The following MMP2 variants were observed in gnomAD, a reference collection of about 807,000 sequenced individuals.
The protein encoded by MMP2 is 72 kDa type IV collagenase.
A neutral mutation model predicts 74.8 loss-of-function variants in MMP2; 39 were observed. The ratio of observed to expected loss-of-function variants is 0.52; its 90% CI spans 0.40 to 0.68. The LOEUF is 0.68. Ranked by LOEUF, MMP2 falls within the 30% of genes least tolerant of loss-of-function variation. MMP2 has a pLI of 0.00. For synonymous variants in MMP2, 367 were observed against 339.8 expected, an observed-to-expected ratio of 1.08 and a Z score of -0.88; for missense variants, 803 against 878.3, an observed-to-expected ratio of 0.91 and a Z score of 1.08.
At chr16:55,488,914 C>T (rs1044219404) in intron 6 of MMP2, 198 bp downstream of exon 6, 3 of 638,164 alleles carry the variant, frequency 4.7e-6, no homozygotes, top group Non-Finnish European at 8.3e-6. Flanking sequence ...GCACTGAAAT[C>T]AGAACAGACA....
chr16:55,494,557 G>T (rs1434102779), intron 9 of MMP2, among the ~76,000 whole-genome samples: 4 of 152,128 alleles, frequency 2.6e-5, no homozygotes, highest in African/African-American at 4.8e-5. Context: ...CAGGCGCATG[G>T]GCCTCCTATA....
chr16:55,484,012 C>G lies in MMP2; in HGVS notation c.381-4C>G, dbSNP rs1187489441. On this transcript the variant is annotated splice_region_variant and splice_polypyrimidine_tract_variant and intron_variant, in intron 2 of 12. Coordinates refer to ENST00000219070, the MANE Select transcript of MMP2 (RefSeq NM_004530.6). ...ACACTCACATGCAGTTCTACCACCT[C>G]CAGGATCATTGGCTACACACCTGAT... 6.2e-7 allele frequency: 1 copy of G among 1,614,162 alleles called. No homozygotes were observed. Among genetic ancestry groups the G allele is most frequent in the South Asian group, 1.1e-5 (1 of 91,086 alleles).
intron 9 of MMP2, among the ~76,000 whole-genome samples, chr16:55,494,773 G>A (rs1962494337): frequency 6.6e-6 from 1 of 152,268 alleles, no homozygotes; most frequent in African/African-American, 2.4e-5. Flanking sequence ...TGAAAGAAAA[G>A]TGATCGCAGA....
Position 55,495,576 on chromosome 16 carries a change from T to G in MMP2, c.1473-1350T>G, listed in dbSNP as rs577244023. 2.0e-5 allele frequency among the ~76,000 whole-genome samples: 3 copies of G among 152,326 alleles called. No homozygotes were observed. In the East Asian group the frequency reaches 5.8e-4, roughly 29 times the overall value. On this transcript the variant is annotated intron_variant, in intron 9 of 12. Transcript: ENST00000219070. Reference sequence around the variant, plus strand: ...CTAATTTATTTAGTCATTGATGTAGTGATAACTAAGTAATTTGAATCCTAA... The same window carrying G: ...CTAATTTATTTAGTCATTGATGTAGGGATAACTAAGTAATTTGAATCCTAA...
At chr16:55,493,113 A>G (rs529176966) in intron 8 of MMP2, 45 bp from the exon 9 acceptor site, 3 of 1,611,318 alleles carry the variant, frequency 1.9e-6, no homozygotes, top group Non-Finnish European at 2.5e-6. Flanking sequence ...TAGTGGGGAG[A>G]ACCTCTGGAG....
At position 55,505,672 on chromosome 16, in the gene MMP2, A is replaced by G. The variant is rs1241049018; in HGVS notation, c.*230A>G. 1 of 584,528 alleles carries G rather than the reference A, an allele frequency of 1.7e-6. No individual in the cohort carries two copies. Among genetic ancestry groups the G allele is most frequent in the Admixed American group, 2.9e-5 (1 of 34,056 alleles). 36.2% of individuals were successfully genotyped at this position (584,528 alleles called of 1,614,324 possible). ...AGGCGCCCCTTCCCCCTCCAATCCCACCAACCCTCAGAGCCACCCCTAAAG... is the reference window on the plus strand; with the variant it reads ...AGGCGCCCCTTCCCCCTCCAATCCCGCCAACCCTCAGAGCCACCCCTAAAG... On this transcript the variant is annotated 3_prime_UTR_variant, in exon 13 of 13. Coordinates refer to ENST00000219070, the MANE Select transcript of MMP2 (RefSeq NM_004530.6).
At chr16:55,497,825 A>G (rs1962567629) in intron 10 of MMP2, among the ~76,000 whole-genome samples, 1 of 152,188 alleles carries the variant, frequency 6.6e-6, no homozygotes, top group African/African-American at 2.4e-5. Context: ...TATGAGGGGT[A>G]AAGAAGGATT....
At chr16:55,487,970 C>G (rs771875560) in intron 5 of MMP2, 1 of 162,020 alleles carries the variant, frequency 6.2e-6, no homozygotes, top group Non-Finnish European at 1.3e-5. Flanking sequence ...TCTGTGTATG[C>G]GTGTGCACGC....
At chr16:55,501,139 G>A (rs1440656548) in intron 11 of MMP2, among the ~76,000 whole-genome samples, 1 of 152,236 alleles carries the variant, frequency 6.6e-6, no homozygotes, top group Non-Finnish European at 1.5e-5. Flanking sequence ...ATATTTCTCA[G>A]TTGAGGTAGA....
intron 1 of MMP2, chr16:55,479,895 G>T: frequency 2.0e-6 from 1 of 508,668 alleles, no homozygotes; most frequent in Non-Finnish European, 3.5e-6. Context: ...GCCAGAGAGT[G>T]GGAGAGGGGT....
At chr16:55,501,676 G>A (rs1428701352) in intron 11 of MMP2, among the ~76,000 whole-genome samples, 1 of 150,530 alleles carries the variant, frequency 6.6e-6, no homozygotes, top group Non-Finnish European at 1.5e-5. Flanking sequence ...CCCTTTGAGG[G>A]AGAAGTCTCC....
intron 11 of MMP2, 65 bp downstream of exon 11, chr16:55,498,513 A>G: frequency 6.2e-7 from 1 of 1,605,552 alleles, no homozygotes; most frequent in Non-Finnish European, 8.5e-7. Flanking sequence ...AGCCGCCCTG[A>G]GGCTTCAAGC....
intron 1 of MMP2, among the ~76,000 whole-genome samples, chr16:55,480,798 C>T (rs914558085): frequency 2.6e-5 from 4 of 152,180 alleles, no homozygotes; most frequent in Non-Finnish European, 4.4e-5. Context: ...CCAACTCTCA[C>T]CCTTCCAAAC....
rs1263437371 is a variant in MMP2, at chr16:55,491,975, G to C, written c.1336+19G>C. On this transcript the variant is annotated intron_variant, in intron 8 of 12. Coordinates refer to ENST00000219070, the MANE Select transcript of MMP2 (RefSeq NM_004530.6). The stretch of plus-strand genomic sequence containing the variant: ...CTCTATGGTAAACCTCCGGGCGGGG[G>C]TTGGGGGTGGAGGGTGAGGAGGGGG... 1 of 1,464,316 alleles carries C rather than the reference G, an allele frequency of 6.8e-7. No individual in the cohort carries two copies. Among genetic ancestry groups the C allele is most frequent in the South Asian group, 1.1e-5 (1 of 88,560 alleles). The allele number at this position is 1,464,316 out of a possible 1,614,324, so 90.7% of individuals were successfully genotyped here. A position where few individuals can be genotyped will look rare whatever the true frequency, so the allele number is the denominator to read the frequency against.
At position 55,485,784 on chromosome 16, in the gene MMP2, A is replaced by G. The variant is rs1475549457; in HGVS notation, c.832+7A>G. On this transcript the variant is annotated splice_region_variant and intron_variant, in intron 5 of 12. Coordinates refer to ENST00000219070, the MANE Select transcript of MMP2 (RefSeq NM_004530.6). ...GGCTTCTGTCCCCATGAAGGTGAGC[A>G]TCCACTCTAGTCCCCAAGACTTTCC... 1 of 1,612,622 alleles carries G rather than the reference A, an allele frequency of 6.2e-7. No homozygotes were observed. Among genetic ancestry groups the G allele is most frequent in the African/African-American group, 1.3e-5 (1 of 74,982 alleles).
rs774835704 is a variant in MMP2, at chr16:55,488,667, C to T, written c.957C>T (p.Thr319=). The part of the protein sequence containing the change: ...GRTDGYRWCG[T]TEDYDRDKKY... ...CGGATGGCTACCGCTGGTGCGGCAC[C>T]ACTGAGGACTACGACCGCGACAAGA... The change falls in exon 6 of 13, where the codon ACC becomes ACT. Residue 319 remains threonine, a synonymous_variant. Transcript: ENST00000219070. The T allele has an allele frequency of 1.2e-6, 2 of 1,612,974 alleles. No homozygotes were observed. The highest frequency in any genetic ancestry group is 1.7e-5 in the Admixed American group (1 of 59,910).
intron 12 of MMP2, among the ~76,000 whole-genome samples, chr16:55,503,549 A>C (rs1962722118): frequency 6.6e-6 from 1 of 151,400 alleles, no homozygotes; most frequent in African/African-American, 2.4e-5. Context: ...ACAGGCCCTG[A>C]CCTCCAGTAG....
Position 55,491,958 on chromosome 16 carries a change from T to G in MMP2, c.1336+2T>G, listed in dbSNP as rs746668134. On this transcript the variant is annotated splice_donor_variant, in intron 8 of 12. Coordinates refer to ENST00000219070, the MANE Select transcript of MMP2 (RefSeq NM_004530.6). LOFTEE classifies it high-confidence loss of function. ...TCAAGGGCATTCAGGAGCTCTATGG[T>G]AAACCTCCGGGCGGGGGTTGGGGGT... 5 of 1,421,518 alleles carry G rather than the reference T, an allele frequency of 3.5e-6. No homozygotes were observed. In the South Asian group the frequency reaches 5.7e-5, roughly 16 times the overall value. The allele number at this position is 1,421,518 out of a possible 1,614,324, so 88.1% of individuals were successfully genotyped here. A position where few individuals can be genotyped will look rare whatever the true frequency, so the allele number is the denominator to read the frequency against.
chr16:55,498,660 A>G (rs1235296154), intron 11 of MMP2, among the ~76,000 whole-genome samples: 2 of 152,148 alleles, frequency 1.3e-5, no homozygotes, highest in Non-Finnish European at 2.9e-5. Context: ...ATTCTGGTGG[A>G]ATATCCTTTC....
Sources: gnomAD v4.1 joint callset for allele counts (sites outside exome capture counted in the v4.1 genomes callset) on GRCh38, gnomAD v4.1.1 for gene constraint, MANE v1.5 for transcripts, NCBI Gene and HGNC (gene_info 2026-07-23, HGNC 2026-07-21) for gene names.